PCDHA4: variants seen among roughly 807,000 people sequenced by gnomAD.
PCDHA4 encodes protocadherin alpha-4.
PCDHA4 carries 49 observed loss-of-function variants against 61.4 expected under a neutral mutation model. The observed-to-expected ratio is 0.80, with a 90% CI of 0.63 to 1.01. PCDHA4 has a LOEUF of 1.01. PCDHA4 is among the 50% of genes least tolerant of loss of function. The pLI is 0.00. For missense variants in PCDHA4, 1,254 were observed against 1,235.8 expected (o/e 1.01, Z -0.22); for synonymous variants, 590 against 550.3 (o/e 1.07, Z -1.01).
chr5:140,998,646 C>A (rs1413467899), intron 3 of PCDHA4, among the ~76,000 whole-genome samples: 1 of 151,870 alleles, frequency 6.6e-6, no homozygotes, highest in Non-Finnish European at 1.5e-5. Context: ...CTCACTGCAA[C>A]CTCTGCCTCC....
At chr5:140,820,372 TG>T (rs2150106732) in intron 1 of PCDHA4, among the ~76,000 whole-genome samples, 317 of 152,120 alleles carry the variant, frequency 2.1e-3, no homozygotes, top group African/African-American at 7.4e-3. Context: ...TTGCATTTTC[TG>T]GTAATTTCTT....
At chr5:140,809,680 CT>C (rs1439058866) in intron 1 of PCDHA4, 108 bp downstream of exon 1, 58 of 1,338,236 alleles carry the variant, frequency 4.3e-5, no homozygotes, top group Non-Finnish European at 5.4e-5. Context: ...AATTTTACCT[CT>C]TTTTACATAT....
At chr5:140,951,948 A>G (rs2153694438) in intron 1 of PCDHA4, among the ~76,000 whole-genome samples, 1 of 152,322 alleles carries the variant, frequency 6.6e-6, no homozygotes, top group South Asian at 2.1e-4. Context: ...GTGCGGGTAC[A>G]GGCATTGGGT....
chr5:140,857,262 CAT>C, intron 1 of PCDHA4: 1 of 1,598,710 alleles, frequency 6.3e-7, no homozygotes, highest in Non-Finnish European at 8.6e-7. Flanking sequence ...AATTACTACT[CAT>C]TGGTGCTGGA....
chr5:140,995,930 A>G (rs186484511), intron 3 of PCDHA4, among the ~76,000 whole-genome samples: 1 of 152,342 alleles, frequency 6.6e-6, no homozygotes, highest in Admixed American at 6.5e-5. Context: ...TGTTGTAAGT[A>G]TTAAATGACA....
chr5:140,994,412 G>C (rs1412198813), intron 3 of PCDHA4, among the ~76,000 whole-genome samples: 1 of 152,068 alleles, frequency 6.6e-6, no homozygotes, highest in Non-Finnish European at 1.5e-5. Flanking sequence ...ATTTAATACT[G>C]GATATTGAGG....
chr5:140,884,059 G>A, intron 1 of PCDHA4: 4 of 1,613,546 alleles, frequency 2.5e-6, no homozygotes, highest in Non-Finnish European at 3.4e-6. Context: ...TGCGCGCGGT[G>A]GACGCCGATT....
intron 1 of PCDHA4, among the ~76,000 whole-genome samples, chr5:140,891,690 C>T (rs12518591): frequency 0.01 from 1,559 of 152,280 alleles, 92 homozygotes; most frequent in Admixed American, 0.092. Context: ...TCTCTTCTTG[C>T]TGTTGTCTGA....
intron 1 of PCDHA4, among the ~76,000 whole-genome samples, chr5:140,950,613 A>G (rs980395914): frequency 3.3e-5 from 5 of 152,064 alleles, no homozygotes; most frequent in African/African-American, 1.2e-4. Context: ...TGATGTGCTT[A>G]TTTATGCTTT....
At chr5:140,983,542 C>A (rs1554245538) in intron 3 of PCDHA4, among the ~76,000 whole-genome samples, 1 of 152,152 alleles carries the variant, frequency 6.6e-6, no homozygotes, top group African/African-American at 2.4e-5. Flanking sequence ...TGTGTGGTCT[C>A]ATTTATTCCT....
At position 140,929,227 on chromosome 5, in the gene PCDHA4, G is replaced by C. The variant is rs141300036; in HGVS notation, c.2386-49722G>C. ...GTTGCGTGGGGAGTACAATGCTGCC[G>C]ACCTGCGAAATCTTGCCACTGGGGT... On this transcript the variant is annotated intron_variant, in intron 1 of 3. Transcript: ENST00000530339. 7.4e-6 allele frequency: 12 copies of C among 1,613,892 alleles called. No homozygotes were observed. In the African/African-American group the frequency reaches 1.5e-4, roughly 20 times the overall value.
In PCDHA4 at chr5:140,829,829, C is replaced by G. The variant is rs2150175564; in HGVS notation, c.2385+20257C>G. The G allele has an allele frequency of 1.2e-5, 19 of 1,613,904 alleles. No individual in the cohort carries two copies. In the East Asian group the frequency reaches 3.6e-4, roughly 30 times the overall value. ...TGGTACTGGTGGTGCAGTGAGCGAG[C>G]TGGTGCCGCGGTCACTGGGTGCAGG... On this transcript the variant is annotated intron_variant, in intron 1 of 3. Transcript: ENST00000530339.
In PCDHA4 at chr5:140,836,401, G is replaced by T. The variant is rs2150259872; in HGVS notation, c.2385+26829G>T. 16 of 1,613,770 alleles carry T rather than the reference G, an allele frequency of 9.9e-6. 1 individual carries two copies. The African/African-American group carries it at 2.0e-4, about 20-fold the overall frequency. On this transcript the variant is annotated intron_variant, in intron 1 of 3. Transcript: ENST00000530339. ...GTGCTGGTGTCGCTGGTGGAAAGCG[G>T]CCAGGCACCAAAGGCGTCGTCGCGG...
At chr5:140,965,109 C>T (rs940351305) in intron 1 of PCDHA4, among the ~76,000 whole-genome samples, 3 of 152,168 alleles carry the variant, frequency 2.0e-5, no homozygotes, top group African/African-American at 7.2e-5. Context: ...GAAAATGACC[C>T]ATAGAGGAAG....
intron 1 of PCDHA4, among the ~76,000 whole-genome samples, chr5:140,956,772 GT>G (rs2095308990): frequency 6.6e-6 from 1 of 152,202 alleles, no homozygotes; most frequent in African/African-American, 2.4e-5. Context: ...AATCTGTCTG[GT>G]CCTGGGCTTT....
At chr5:140,960,836 AG>A (rs551951864) in intron 1 of PCDHA4, among the ~76,000 whole-genome samples, 345 of 152,342 alleles carry the variant, frequency 2.3e-3, no homozygotes, top group African/African-American at 7.6e-3. Flanking sequence ...AACTTGGAAC[AG>A]GTTTAATGGC....
chr5:140,985,471 G>A (rs926791157), intron 3 of PCDHA4, among the ~76,000 whole-genome samples: 4 of 152,148 alleles, frequency 2.6e-5, no homozygotes, highest in African/African-American at 9.7e-5. Flanking sequence ...AAAAAATTTG[G>A]TTGTTTCCAG....
intron 1 of PCDHA4, among the ~76,000 whole-genome samples, chr5:140,909,245 G>T (rs189143592): frequency 2.6e-5 from 4 of 152,288 alleles, no homozygotes; most frequent in African/African-American, 7.2e-5. Flanking sequence ...AAGATATATT[G>T]CTGGCCTTGC....
chr5:140,842,964 A>G, intron 1 of PCDHA4: 1 of 1,594,990 alleles, frequency 6.3e-7, no homozygotes, highest in East Asian at 2.2e-5. Flanking sequence ...CTGGGCAGCA[A>G]CGTGACGCTG....
Sources: allele counts gnomAD v4.1 joint callset (sites outside exome capture counted in the v4.1 genomes callset), GRCh38; gene constraint gnomAD v4.1.1; transcripts MANE v1.5; gene names NCBI Gene and HGNC (gene_info 2026-07-23, HGNC 2026-07-21).